The following ETS1 variants were observed in gnomAD, a reference collection of about 807,000 sequenced individuals.
ETS1 encodes protein C-ets-1.
A neutral mutation model predicts 58.6 loss-of-function variants in ETS1; 15 were observed. That is an observed-to-expected ratio of 0.26 (90% CI 0.17 to 0.39). The LOEUF (loss-of-function observed/expected upper bound fraction) is 0.39, where lower values mean the gene tolerates loss of function less well. ETS1 is among the 10% of genes least tolerant of loss of function. ETS1 has a pLI of 1.00. For missense variants in ETS1, 417 were observed against 610.5 expected (o/e 0.68, Z 3.34); for synonymous variants, 214 against 218.2 (o/e 0.98, Z 0.17).
At chr11:128,543,684 C>T (rs1246144263) in intron 3 of ETS1, among the ~76,000 whole-genome samples, 1 of 152,204 alleles carries the variant, frequency 6.6e-6, no homozygotes, top group Non-Finnish European at 1.5e-5. Flanking sequence ...TTTCCTAAAG[C>T]ATTCCCTTAA....
At chr11:128,575,007 G>A (rs1864713388) in intron 1 of ETS1, among the ~76,000 whole-genome samples, 1 of 152,110 alleles carries the variant, frequency 6.6e-6, no homozygotes, top group Non-Finnish European at 1.5e-5. Context: ...GCTGTTTCAT[G>A]TAAACATTCA....
intron 3 of ETS1, chr11:128,504,932 C>T (rs927414987): frequency 1.3e-5 from 2 of 152,194 alleles, no homozygotes; most frequent in Non-Finnish European, 2.9e-5. Context: ...GTCTGGAATA[C>T]CAATGGTCAG....
intron 3 of ETS1, among the ~76,000 whole-genome samples, chr11:128,500,840 GA>G (rs1474856193): frequency 6.6e-6 from 1 of 152,180 alleles, no homozygotes; most frequent in Non-Finnish European, 1.5e-5. Context: ...GAGTGGTCAT[GA>G]GGGGCAGGGC....
At chr11:128,546,258 G>A (rs906343595) in intron 3 of ETS1, among the ~76,000 whole-genome samples, 4 of 152,322 alleles carry the variant, frequency 2.6e-5, no homozygotes, top group South Asian at 2.1e-4. Flanking sequence ...ACAGTCAATG[G>A]TTCCAACAGA....
intron 2 of ETS1, among the ~76,000 whole-genome samples, chr11:128,562,693 A>T (rs899055518): frequency 1.3e-5 from 2 of 152,342 alleles, no homozygotes; most frequent in South Asian, 4.1e-4. Context: ...CTCTGCTCTG[A>T]GGTGAGCCAG....
intron 3 of ETS1, among the ~76,000 whole-genome samples, chr11:128,516,511 C>A (rs1863528392): frequency 6.6e-6 from 1 of 152,060 alleles, no homozygotes; most frequent in Non-Finnish European, 1.5e-5. Context: ...CAGTGTGGGC[C>A]CAAGCATACT....
chr11:128,500,256 T>G (rs892874757), intron 3 of ETS1, among the ~76,000 whole-genome samples: 2 of 152,096 alleles, frequency 1.3e-5, no homozygotes, highest in Non-Finnish European at 2.9e-5. Context: ...TGGAAAATTG[T>G]AAACCAGAAC....
In ETS1 at chr11:128,476,504, T is replaced by A. The variant is rs566538311; in HGVS notation, c.1123+3687A>T. 2.0e-5 allele frequency among the ~76,000 whole-genome samples: 3 copies of A among 152,362 alleles called. No homozygotes were observed. In the East Asian group the frequency reaches 5.8e-4, roughly 29 times the overall value. On this transcript the variant is annotated intron_variant, in intron 8 of 9. Transcript: ENST00000392668. ...ATGCAATTACATACATGGCCTTGAA[T>A]AAGTCATTTTTTTGTGCCTCAGTTT...
At chr11:128,466,292 C>A (rs927804120) in intron 8 of ETS1, among the ~76,000 whole-genome samples, 1 of 152,182 alleles carries the variant, frequency 6.6e-6, no homozygotes, top group African/African-American at 2.4e-5. Context: ...CTTTGGGGCA[C>A]GGGGTCTCAT....
intron 3 of ETS1, among the ~76,000 whole-genome samples, chr11:128,533,990 A>C (rs1408522022): frequency 5.3e-5 from 8 of 152,240 alleles, no homozygotes; most frequent in Non-Finnish European, 1.2e-4. Flanking sequence ...ATTCAGGCCT[A>C]CTTCCAGCTT....
At chr11:128,478,615 G>T (rs1261439995) in intron 8 of ETS1, among the ~76,000 whole-genome samples, 3 of 152,110 alleles carry the variant, frequency 2.0e-5, no homozygotes, top group East Asian at 1.9e-4. Flanking sequence ...ACCTCCCAAG[G>T]CCACAAAGTC....
Position 128,508,187 on chromosome 11 carries a change from A to G in ETS1, c.215-17611T>C, listed in dbSNP as rs187168121. Among the ~76,000 whole-genome samples, 252 of 152,358 alleles carry G rather than the reference A, an allele frequency of 1.7e-3. 5 individuals are homozygous for G. The East Asian group carries it at 0.039, about 23-fold the overall frequency. On this transcript the variant is annotated intron_variant, in intron 3 of 9. Transcript: ENST00000392668. ...CAGGTTAATAGTAACCACAGTTTTA[A>G]CAACCGCTGAAGTAATAACAGCGAC...
chr11:128,520,016 T>C (rs1179412409), intron 3 of ETS1, among the ~76,000 whole-genome samples: 1 of 152,234 alleles, frequency 6.6e-6, no homozygotes, highest in Non-Finnish European at 1.5e-5. Flanking sequence ...AATTTTGTTG[T>C]ATCGAAGTTC....
Position 128,556,667 on chromosome 11 carries a change from C to T in ETS1, c.70-232G>A, listed in dbSNP as rs546348920. Among the ~76,000 whole-genome samples, 7 of 152,304 alleles carry T rather than the reference C, an allele frequency of 4.6e-5. No individual in the cohort carries two copies. The East Asian group carries it at 1.3e-3, about 29-fold the overall frequency. ...ATGAATTTATCTTCCTCCATTTCTTCAAGTGTTTAAGGACTACCTTTTCTG... is the reference window on the plus strand; with the variant it reads ...ATGAATTTATCTTCCTCCATTTCTTTAAGTGTTTAAGGACTACCTTTTCTG... On this transcript the variant is annotated intron_variant, in intron 2 of 9. Coordinates refer to ENST00000392668, the MANE Select transcript of ETS1 (RefSeq NM_001143820.2).
chr11:128,560,077 A>G (rs149789819), intron 2 of ETS1, among the ~76,000 whole-genome samples: 198 of 151,834 alleles, frequency 1.3e-3, no homozygotes, highest in Non-Finnish European at 1.7e-3. Context: ...ACATCTGTTC[A>G]GTGCCCCCTG....
intron 3 of ETS1, among the ~76,000 whole-genome samples, chr11:128,500,355 T>C (rs1278723784): frequency 1.3e-5 from 2 of 152,224 alleles, no homozygotes; most frequent in Non-Finnish European, 2.9e-5. Flanking sequence ...CATTTTTTCA[T>C]CAATTTTGAA....
chr11:128,485,316 C>T (rs541568312), intron 6 of ETS1, among the ~76,000 whole-genome samples: 63 of 152,196 alleles, frequency 4.1e-4, no homozygotes, highest in African/African-American at 9.9e-4. Flanking sequence ...CGATTTTTCC[C>T]GGAGCACTGT....
intron 3 of ETS1, among the ~76,000 whole-genome samples, chr11:128,516,998 G>C (rs1389104826): frequency 6.6e-6 from 1 of 152,200 alleles, no homozygotes; most frequent in African/African-American, 2.4e-5. Flanking sequence ...CTGTGAGAGA[G>C]CCAAGGCCAT....
Position 128,489,800 on chromosome 11 carries a change from A to G in ETS1, c.335-310T>C, listed in dbSNP as rs944376129. Among the ~76,000 whole-genome samples, 13 of 152,160 alleles carry G rather than the reference A, an allele frequency of 8.5e-5. 1 individual carries two copies. The highest frequency in any genetic ancestry group is 4.4e-5 in the Non-Finnish European group (3 of 68,022). ...TCTCCTCTCTCACTGCCTTATTCCC[A>G]TTGGACTTTTTTAAAGCCCTGAACA... On this transcript the variant is annotated intron_variant, in intron 4 of 9. Coordinates refer to ENST00000392668, the MANE Select transcript of ETS1 (RefSeq NM_001143820.2).
Sources: gnomAD v4.1 joint callset for allele counts (sites outside exome capture counted in the v4.1 genomes callset) on GRCh38, gnomAD v4.1.1 for gene constraint, MANE v1.5 for transcripts, NCBI Gene and HGNC (gene_info 2026-07-23, HGNC 2026-07-21) for gene names.